The following RIMS1 variants were observed in gnomAD, a reference collection of about 807,000 sequenced individuals.
RIMS1 encodes regulating synaptic membrane exocytosis protein 1.
In RIMS1, 83 loss-of-function variants were observed where a neutral mutation model predicts 214.1. The ratio of observed to expected loss-of-function variants is 0.39; its 90% CI spans 0.32 to 0.47. The LOEUF (loss-of-function observed/expected upper bound fraction) is 0.47. Ranked by LOEUF, RIMS1 falls within the 20% of genes least tolerant of loss-of-function variation. RIMS1 has a pLI of 0.99. For missense variants in RIMS1, 2,050 were observed against 2,161.8 expected (o/e 0.95, Z 1.03); for synonymous variants, 793 against 786.8 (o/e 1.01, Z -0.13).
intron 6 of RIMS1, among the ~76,000 whole-genome samples, chr6:72,217,567 AAG>A (rs932020886): frequency 7.9e-5 from 12 of 152,202 alleles, no homozygotes; most frequent in Non-Finnish European, 2.9e-5. Flanking sequence ...TGATGGATCA[AAG>A]AGTTTGCTTT....
At chr6:72,021,749 A>T (rs764494494) in intron 2 of RIMS1, among the ~76,000 whole-genome samples, 1 of 151,896 alleles carries the variant, frequency 6.6e-6, no homozygotes, top group Non-Finnish European at 1.5e-5. Flanking sequence ...CTGTCCTGTT[A>T]CTCTCCTGTT....
chr6:72,387,231 G>T (rs2098628748), intron 29 of RIMS1, among the ~76,000 whole-genome samples: 1 of 152,162 alleles, frequency 6.6e-6, no homozygotes, highest in Non-Finnish European at 1.5e-5. Flanking sequence ...CCGCCATATT[G>T]TTGATCCTCT....
chr6:72,250,415 G>A lies in RIMS1; in HGVS notation c.2327G>A (p.Arg776His), dbSNP rs551537892. Residue 776 changes from arginine to histidine, a missense_variant, in exon 13 of 34, where the codon CGT (arginine) becomes CAT (histidine). Arg to His is a conservative substitution (Grantham distance 29). Around this residue, in one of 6 missense-constraint regions of RIMS1, gnomAD observed 889 missense variants for 885.5 expected, o/e 1.00. Transcript: ENST00000521978. ...ATDLPARVDGRPRNPYVKMYF... is the reference protein window; with the variant it reads ...ATDLPARVDGHPRNPYVKMYF... ...GATCTACCTGCTAGAGTAGATGGAC[G>A]TCCTCGAAATCCCTATGTAAAAATG... The A allele has an allele frequency of 1.4e-5, 23 of 1,604,922 alleles. No homozygotes were observed. Among genetic ancestry groups the A allele is most frequent in the Admixed American group, 3.4e-5 (2 of 59,594 alleles).
chr6:72,042,736 T>C (rs2152092131), intron 2 of RIMS1, among the ~76,000 whole-genome samples: 1 of 151,942 alleles, frequency 6.6e-6, no homozygotes, highest in South Asian at 2.1e-4. Flanking sequence ...CTGTTCTATC[T>C]TTAGGAGTAT....
At chr6:72,159,790 T>C (rs1274588824) in intron 4 of RIMS1, among the ~76,000 whole-genome samples, 3 of 140,040 alleles carry the variant, frequency 2.1e-5, no homozygotes, top group Non-Finnish European at 4.9e-5. Flanking sequence ...TTGGTTATTG[T>C]AGCCTTGAAG....
In RIMS1 at chr6:72,268,024, A is replaced by G. The variant is rs528726033; in HGVS notation, c.3398+1975A>G. Among the ~76,000 whole-genome samples the G allele has an allele frequency of 7.9e-5, 12 of 152,288 alleles. No individual in the cohort carries two copies. In the South Asian group the frequency reaches 2.5e-3, roughly 32 times the overall value. On this transcript the variant is annotated intron_variant, in intron 22 of 33. Coordinates refer to ENST00000521978, the MANE Select transcript of RIMS1 (RefSeq NM_014989.7). ...TGGGATCACTTTATTGCCAAGAAGA[A>G]CAGCAATTATTTTATGTAATGTAAA...
intron 2 of RIMS1, among the ~76,000 whole-genome samples, chr6:72,034,004 G>A (rs1390813937): frequency 6.6e-6 from 1 of 152,120 alleles, no homozygotes; most frequent in Non-Finnish European, 1.5e-5. Context: ...AGGCACAGAT[G>A]TCTACAGAAT....
chr6:71,959,915 C>T (rs901325353), intron 1 of RIMS1, among the ~76,000 whole-genome samples: 57 of 152,104 alleles, frequency 3.7e-4, no homozygotes, highest in African/African-American at 1.3e-3. Context: ...CACAAAGCAC[C>T]AGTCATAATA....
Position 72,156,434 on chromosome 6 carries a change from T to C in RIMS1, c.472-23141T>C, listed in dbSNP as rs1447379773. On this transcript the variant is annotated intron_variant, in intron 4 of 33. Coordinates refer to ENST00000521978, the MANE Select transcript of RIMS1 (RefSeq NM_014989.7). The stretch of plus-strand genomic sequence containing the variant: ...ATGGAATCTGAAAAAGTTGAACTCA[T>C]AGAGACCAGAAGAATGATTACTAGG... 1.4e-5 allele frequency among the ~76,000 whole-genome samples: 2 copies of C among 140,198 alleles called. 1 individual carries two copies. The highest frequency in any genetic ancestry group is 3.2e-5 in the Non-Finnish European group (2 of 61,706). 92.0% of individuals were successfully genotyped at this position (140,198 alleles called of 152,430 possible). A position where few individuals can be genotyped will look rare whatever the true frequency, so the allele number is the denominator to read the frequency against.
At chr6:72,102,027 G>T (rs1215789735) in intron 4 of RIMS1, among the ~76,000 whole-genome samples, 1 of 151,874 alleles carries the variant, frequency 6.6e-6, no homozygotes, top group Non-Finnish European at 1.5e-5. Flanking sequence ...AGCCCTCCTT[G>T]AAGCCTAAAT....
intron 2 of RIMS1, among the ~76,000 whole-genome samples, chr6:71,985,006 A>G (rs1174007660): frequency 6.6e-6 from 1 of 152,134 alleles, no homozygotes; most frequent in African/African-American, 2.4e-5. Flanking sequence ...AGCAATGTAC[A>G]TGAGACAGCC....
chr6:72,154,941 G>A (rs1562448200), intron 4 of RIMS1, among the ~76,000 whole-genome samples: 1 of 140,394 alleles, frequency 7.1e-6, no homozygotes, highest in East Asian at 2.0e-4. Context: ...GAGGCTGGGA[G>A]CAGGAAGAGA....
At chr6:71,889,375 A>G (rs1429546592) in intron 1 of RIMS1, among the ~76,000 whole-genome samples, 2 of 152,212 alleles carry the variant, frequency 1.3e-5, no homozygotes, top group Admixed American at 6.5e-5. Context: ...GCTCATGTCT[A>G]ACACATCTTT....
chr6:72,307,364 T>C lies in RIMS1; in HGVS notation c.3957T>C (p.Tyr1319=). The change falls in exon 27 of 34, where the codon TAT becomes TAC. Residue 1319 remains tyrosine (Y), a synonymous_variant. Transcript: ENST00000521978. ...GSSQELDREQ[Y]SKYNIHKDQY... ...GTCAAGAACTTGATCGCGAGCAATA[T>C]TCCAAGGTAAAATTAGTAGTATCCA... The C allele has an allele frequency of 6.3e-7, 1 of 1,587,646 alleles. No homozygotes were observed. Among genetic ancestry groups the C allele is most frequent in the Non-Finnish European group, 8.6e-7 (1 of 1,163,890 alleles).
At position 72,262,591 on chromosome 6, in the gene RIMS1, G is replaced by A. The variant is rs995836966; in HGVS notation, c.3116+1824G>A. 1.8e-5 allele frequency: 17 copies of A among 954,122 alleles called. No individual in the cohort carries two copies. The South Asian group carries it at 4.4e-4, about 24-fold the overall frequency. The allele number at this position is 954,122 out of a possible 1,614,324, so 59.1% of individuals were successfully genotyped here. A position where few individuals can be genotyped will look rare whatever the true frequency, so the allele number is the denominator to read the frequency against. On this transcript the variant is annotated intron_variant, in intron 19 of 33. Transcript: ENST00000521978. Reference sequence around the variant, plus strand: ...AGAGACAACATGAGTTCAAAAATACGTGCATGTATGTATATATAATCTCTT... The same window carrying A: ...AGAGACAACATGAGTTCAAAAATACATGCATGTATGTATATATAATCTCTT...
At chr6:72,078,168 G>A (rs1562262036) in intron 2 of RIMS1, among the ~76,000 whole-genome samples, 1 of 152,056 alleles carries the variant, frequency 6.6e-6, no homozygotes, top group African/African-American at 2.4e-5. Flanking sequence ...GGTGATGTTT[G>A]GATTATGTGG....
At chr6:72,166,848 T>G (rs1476621859) in intron 4 of RIMS1, among the ~76,000 whole-genome samples, 1 of 152,216 alleles carries the variant, frequency 6.6e-6, no homozygotes, top group African/African-American at 2.4e-5. Context: ...AGATTTTTTT[T>G]GGATTTCCTA....
chr6:72,284,537 CA>C (rs1368433032), intron 24 of RIMS1, among the ~76,000 whole-genome samples: 6 of 151,994 alleles, frequency 3.9e-5, no homozygotes, highest in African/African-American at 1.5e-4. Flanking sequence ...CACTTTTCTA[CA>C]AATATATATT....
intron 28 of RIMS1, among the ~76,000 whole-genome samples, chr6:72,331,773 T>C (rs553597206): frequency 6.6e-4 from 100 of 151,972 alleles, no homozygotes; most frequent in Non-Finnish European, 1.2e-3. Flanking sequence ...TTATCAGATT[T>C]GCAAATGACT....
Sources: gnomAD v4.1 joint callset for allele counts (sites outside exome capture counted in the v4.1 genomes callset) on GRCh38, gnomAD v4.1.1 for gene constraint, gnomAD v4.1.1 regional missense constraint, MANE v1.5 for transcripts, NCBI Gene and HGNC (gene_info 2026-07-23, HGNC 2026-07-21) for gene names.